ALDH1L2: variants seen among roughly 807,000 people sequenced by gnomAD.
The protein encoded by ALDH1L2 is aldehyde dehydrogenase 1 family member L2.
Under a neutral mutation model 111.0 loss-of-function variants are expected in ALDH1L2, and 91 were observed. That is an observed-to-expected ratio of 0.82 (90% CI 0.69 to 0.98). The LOEUF (loss-of-function observed/expected upper bound fraction) is 0.98. Ranked by LOEUF, ALDH1L2 falls within the 50% of genes least tolerant of loss-of-function variation. The pLI is 0.00. For synonymous variants in ALDH1L2, 374 were observed against 392.6 expected (o/e 0.95, Z 0.56); for missense variants, 995 against 1,126.8 (o/e 0.88, Z 1.67).
intron 6 of ALDH1L2, among the ~76,000 whole-genome samples, chr12:105,064,215 TGG>T (rs2136095655): frequency 7.2e-6 from 1 of 139,148 alleles, no homozygotes; most frequent in South Asian, 2.4e-4. Context: ...ACTCCTGACC[TGG>T]GTAATCCTCC....
intron 6 of ALDH1L2, among the ~76,000 whole-genome samples, chr12:105,064,917 T>G (rs1877255475): frequency 6.6e-6 from 1 of 152,224 alleles, no homozygotes; most frequent in African/African-American, 2.4e-5. Context: ...CCTACTTGTC[T>G]TGCTCTCAAC....
intron 1 of ALDH1L2, among the ~76,000 whole-genome samples, chr12:105,083,621 ATT>A (rs151228266): frequency 8.0e-5 from 11 of 137,854 alleles, no homozygotes; most frequent in South Asian, 2.3e-4. Context: ...GACAGTTTTT[ATT>A]TTTTTTTTTT....
At chr12:105,026,050 AAC>A (rs1212657312) in intron 22 of ALDH1L2, among the ~76,000 whole-genome samples, 2 of 152,134 alleles carry the variant, frequency 1.3e-5, no homozygotes, top group African/African-American at 4.8e-5. Context: ...GCTTTTTACA[AAC>A]TCTTAAGTCT....
At chr12:105,060,447 A>C (rs894173241) in intron 9 of ALDH1L2, 24 of 152,226 alleles carry the variant, frequency 1.6e-4, no homozygotes, top group African/African-American at 5.5e-4. Flanking sequence ...GGAAGATATG[A>C]AAACAACTTC....
At position 105,055,466 on chromosome 12, in the gene ALDH1L2, C is replaced by T. The variant is rs139443722; in HGVS notation, c.1288-2535G>A. Among the ~76,000 whole-genome samples the T allele has an allele frequency of 3.9e-5, 6 of 152,242 alleles. No individual in the cohort carries two copies. In the East Asian group the frequency reaches 1.2e-3, roughly 29 times the overall value. ...GGGAGATGGGGAGAAGGTCTGCTTT[C>T]TGGAGTTACCACATTCTATTATTTT... is the stretch of plus-strand genomic sequence containing the variant. On this transcript the variant is annotated intron_variant, in intron 10 of 22. Coordinates refer to ENST00000258494, the MANE Select transcript of ALDH1L2 (RefSeq NM_001034173.4).
intron 17 of ALDH1L2, among the ~76,000 whole-genome samples, chr12:105,039,281 ACTG>A (rs1189104756): frequency 6.6e-6 from 1 of 152,086 alleles, no homozygotes; most frequent in Non-Finnish European, 1.5e-5. Flanking sequence ...TATTTTAACA[ACTG>A]CTTTATTTTG....
chr12:105,047,815 G>T (rs941711994), intron 13 of ALDH1L2: 2 of 152,166 alleles, frequency 1.3e-5, no homozygotes, highest in African/African-American at 2.4e-5. Context: ...TTGGACTTTA[G>T]AAGTGTAATA....
rs1161028418 is a variant in ALDH1L2 at position 105,022,028 on chromosome 12, T to G, written c.*2396A>C. 1 of 152,210 alleles carries G rather than the reference T, an allele frequency of 6.6e-6. No homozygotes were observed. The highest frequency in any genetic ancestry group is 1.5e-5 in the Non-Finnish European group (1 of 68,044). The allele number at this position is 152,210 out of a possible 1,614,324, so 9.4% of individuals were successfully genotyped here. On this transcript the variant is annotated 3_prime_UTR_variant, in exon 23 of 23. Coordinates refer to ENST00000258494, the MANE Select transcript of ALDH1L2 (RefSeq NM_001034173.4). ...ATTCAGGTGATAATAAGATCACAGC[T>G]TCATCCTTAGCATTATTAGCAAAAT...
intron 6 of ALDH1L2, among the ~76,000 whole-genome samples, chr12:105,063,551 C>G (rs1379316438): frequency 6.6e-6 from 1 of 151,886 alleles, no homozygotes; most frequent in East Asian, 1.9e-4. Flanking sequence ...ACTGGAGAGT[C>G]CAAAATGCCC....
chr12:105,038,837 C>G (rs974139467), intron 17 of ALDH1L2, among the ~76,000 whole-genome samples: 3 of 152,008 alleles, frequency 2.0e-5, no homozygotes, highest in Non-Finnish European at 4.4e-5. Context: ...ATGTTGTGGT[C>G]AAAAGTTAAT....
chr12:105,053,024 G>A (rs1876393434), intron 10 of ALDH1L2, 93 bp from the exon 11 acceptor site: 1 of 1,435,594 alleles, frequency 7.0e-7, no homozygotes, highest in South Asian at 1.2e-5. Flanking sequence ...GAATGCAGAG[G>A]GAGAAGTCAA....
At chr12:105,035,841 G>A (rs1258938042) in intron 18 of ALDH1L2, among the ~76,000 whole-genome samples, 9 of 105,992 alleles carry the variant, frequency 8.5e-5, no homozygotes, top group Admixed American at 1.8e-4. Flanking sequence ...ATATATATAT[G>A]TGTGTGTGTG....
rs1272533616 is a variant in ALDH1L2 at position 105,026,551 on chromosome 12, C to A, written c.2710G>T (p.Asp904Tyr). ...CAGAAAAGTAAAGCCATACCTAAGT[C>A]TTTTCCAAAGCCAGATTGTTTAACT... ...GGVKQSGFGK[D>Y]LGEEALNEYL... Residue 904 changes from aspartate (D) to tyrosine (Y), a missense_variant, in exon 22 of 23, where the codon GAC (aspartate) becomes TAC (tyrosine). By Grantham distance (160) the Asp-to-Tyr change is radical. Coordinates refer to ENST00000258494, the MANE Select transcript of ALDH1L2 (RefSeq NM_001034173.4). The A allele has an allele frequency of 6.2e-7, 1 of 1,614,100 alleles. No homozygotes were observed. The highest frequency in any genetic ancestry group is 8.5e-7 in the Non-Finnish European group (1 of 1,180,008).
At chr12:105,039,337 G>A (rs1001965382) in intron 17 of ALDH1L2, among the ~76,000 whole-genome samples, 9 of 151,904 alleles carry the variant, frequency 5.9e-5, no homozygotes, top group Middle Eastern at 3.2e-3. Context: ...TTGCTTTGGC[G>A]GACTCCATTT....
intron 10 of ALDH1L2, 88 bp from the exon 11 acceptor site, chr12:105,053,019 C>A: frequency 6.8e-7 from 1 of 1,460,672 alleles, no homozygotes; most frequent in Non-Finnish European, 9.4e-7. Flanking sequence ...TTCACGAATG[C>A]AGAGGGAGAA....
chr12:105,062,621 A>G (rs1877068286), intron 7 of ALDH1L2, among the ~76,000 whole-genome samples: 1 of 152,180 alleles, frequency 6.6e-6, no homozygotes, highest in East Asian at 1.9e-4. Context: ...ACAGACTCAA[A>G]GGGAAGAATC....
At chr12:105,065,492 GAGTA>G (rs1477301259) in intron 5 of ALDH1L2, 136 bp from the exon 6 acceptor site, 3 of 640,830 alleles carry the variant, frequency 4.7e-6, no homozygotes, top group Middle Eastern at 2.7e-4. Flanking sequence ...GTTTTATTTG[GAGTA>G]AGTATTTTGT....
In ALDH1L2 at chr12:105,052,937, A is replaced by G. The variant is rs1396715250; in HGVS notation, c.1288-6T>C. The stretch of plus-strand genomic sequence containing the variant: ...TCATTGACCTCCTTTGAAATCTGAG[A>G]GAAGTATATTAATAGATTCAATGGA... On this transcript the variant is annotated splice_region_variant and splice_polypyrimidine_tract_variant and intron_variant, in intron 10 of 22. Coordinates refer to ENST00000258494, the MANE Select transcript of ALDH1L2 (RefSeq NM_001034173.4). 6.2e-7 allele frequency: 1 copy of G among 1,613,316 alleles called. No homozygotes were observed. Among genetic ancestry groups the G allele is most frequent in the Admixed American group, 1.7e-5 (1 of 60,000 alleles).
Position 105,065,321 on chromosome 12 carries a change from G to C in ALDH1L2, c.732C>G (p.Asn244Lys). The change falls in exon 6 of 23, where the codon AAC becomes AAG. Residue 244 changes from asparagine (N) to lysine (K), a missense_variant. Physicochemically the swap from Asn to Lys is moderately conservative, Grantham distance 94. Transcript: ENST00000258494. ...GGACTTTATCATGACCTCGAATCCAGTTATGTAAAACTTCGGCAGACTGGT... is the reference window on the plus strand; with the variant it reads ...GGACTTTATCATGACCTCGAATCCACTTATGTAAAACTTCGGCAGACTGGT... ...SWDQSAEVLH[N>K]WIRGHDKVPG... 6.2e-7 allele frequency: 1 copy of C among 1,612,164 alleles called. No homozygotes were observed.
Sources: gnomAD v4.1 joint callset for allele counts (sites outside exome capture counted in the v4.1 genomes callset) on GRCh38, gnomAD v4.1.1 for gene constraint, MANE v1.5 for transcripts, NCBI Gene and HGNC (gene_info 2026-07-23, HGNC 2026-07-21) for gene names.